The following GUCY2F variants were observed in gnomAD, a reference collection of about 807,000 sequenced individuals.
GUCY2F encodes the protein guanylate cyclase 2F, retinal.
Under a neutral mutation model 73.1 loss-of-function variants are expected in GUCY2F, and 61 were observed. That is an observed-to-expected ratio of 0.83 (90% CI 0.68 to 1.03). The LOEUF (loss-of-function observed/expected upper bound fraction) is 1.03, where lower values mean the gene tolerates loss of function less well. Among genes scored for constraint, GUCY2F ranks in the 50% least tolerant of loss-of-function variants. GUCY2F has a pLI of 0.00. For synonymous variants in GUCY2F, 331 were observed against 307.8 expected, an observed-to-expected ratio of 1.08 and a Z score of -0.79; for missense variants, 912 against 854.3, an observed-to-expected ratio of 1.07 and a Z score of -0.84.
At position 109,453,641 on chromosome X, in the gene GUCY2F, T is replaced by C. The variant is rs1162686208; in HGVS notation, c.1251A>G (p.Glu417=). Residue 417 remains glutamate (E), a synonymous_variant, in exon 4 of 20, where the codon GAA becomes GAG. Transcript: ENST00000218006. Reference sequence around the variant, plus strand: ...TGTCCACAGTGTAGGTGCTATGGAGTTCCCATTCTTTCAAGTTGGTGTCCA... The same window carrying C: ...TGTCCACAGTGTAGGTGCTATGGAGCTCCCATTCTTTCAAGTTGGTGTCCA... The part of the protein sequence containing the change: ...VILDTNLKEW[E]LHSTYTVDME... 2.5e-6 allele frequency: 3 copies of C among 1,197,722 alleles called. No individual in the cohort carries two copies. Among genetic ancestry groups the C allele is most frequent in the Non-Finnish European group, 3.4e-6 (3 of 883,098 alleles).
chrX:109,379,445 C>T (rs1025070673), intron 17 of GUCY2F, among the ~76,000 whole-genome samples: 7 of 112,188 alleles, frequency 6.2e-5, no homozygotes, highest in African/African-American at 2.3e-4. Context: ...TTGAATTATT[C>T]CACATTGTAT....
chrX:109,375,192 C>T (rs1242148517), intron 19 of GUCY2F, among the ~76,000 whole-genome samples: 1 of 106,517 alleles, frequency 9.4e-6, no homozygotes, highest in East Asian at 3.0e-4. Context: ...AAAGCAAACA[C>T]GATAAAGAAG....
At chrX:109,379,801 A>T (rs1003423010) in intron 17 of GUCY2F, among the ~76,000 whole-genome samples, 29 of 112,638 alleles carry the variant, frequency 2.6e-4, no homozygotes, top group African/African-American at 9.3e-4. Flanking sequence ...CTGGCCAGTT[A>T]GGCATTGATA....
In GUCY2F at chrX:109,469,135, G is replaced by A. The variant is rs375751661; in HGVS notation, c.731-3692C>T. Among the ~76,000 whole-genome samples, 20 of 110,911 alleles carry A rather than the reference G, an allele frequency of 1.8e-4. 3 individuals carry two copies. In the South Asian group the frequency reaches 1.9e-3, roughly 11 times the overall value. ...ACCCTTCTGAGATCGCATCTCACCA[G>A]GATATGACACCAGCACTTTCTCTGA... On this transcript the variant is annotated intron_variant, in intron 2 of 19. Coordinates refer to ENST00000218006, the MANE Select transcript of GUCY2F (RefSeq NM_001522.3).
chrX:109,437,914 C>T (rs1244454561), intron 7 of GUCY2F, among the ~76,000 whole-genome samples: 35 of 112,456 alleles, frequency 3.1e-4, no homozygotes, highest in Non-Finnish European at 1.9e-5. Flanking sequence ...GTAGAGCTGA[C>T]AATTCCCCAA....
At chrX:109,433,461 T>C (rs1031182366) in intron 7 of GUCY2F, among the ~76,000 whole-genome samples, 1 of 112,356 alleles carries the variant, frequency 8.9e-6, no homozygotes, top group Non-Finnish European at 1.9e-5. Context: ...TTTGTTGCTC[T>C]TTCCTCTCGT....
At chrX:109,462,003 G>A (rs1043164473) in intron 3 of GUCY2F, among the ~76,000 whole-genome samples, 2 of 112,480 alleles carry the variant, frequency 1.8e-5, no homozygotes, top group African/African-American at 6.5e-5. Context: ...GAAATATTGA[G>A]AGACTCTCTG....
chrX:109,447,256 C>T (rs1932034750), intron 6 of GUCY2F, among the ~76,000 whole-genome samples: 1 of 110,982 alleles, frequency 9.0e-6, no homozygotes, highest in African/African-American at 3.3e-5. Flanking sequence ...ACCATTTGAC[C>T]CAGCCATCCC....
chrX:109,441,232 C>T (rs778726877), intron 7 of GUCY2F, 119 bp downstream of exon 7: 87 of 407,318 alleles, frequency 2.1e-4, no homozygotes, highest in Non-Finnish European at 2.7e-4. Context: ...AACACAGACA[C>T]CAAACTGGAA....
At chrX:109,457,934 G>A (rs772768178) in intron 3 of GUCY2F, among the ~76,000 whole-genome samples, 18 of 111,896 alleles carry the variant, frequency 1.6e-4, no homozygotes, top group African/African-American at 5.8e-4. Context: ...ACAATGAAAA[G>A]GAAGAATGTA....
In GUCY2F at chrX:109,453,556, G is replaced by A. The variant is rs752859763; in HGVS notation, c.1336C>T (p.Pro446Ser). 8.3e-7 allele frequency: 1 copy of A among 1,209,763 alleles called. No individual in the cohort carries two copies. The highest frequency in any genetic ancestry group is 1.1e-6 in the Non-Finnish European group (1 of 894,005). ...AACCAGCATTTTGCATCTGCTCTAG[G>A]GGGCCTGCCACCAGGGAAGTGAATA... is the stretch of plus-strand genomic sequence containing the variant. ...TPIHFPGGRP[P>S]RADAKCWFAE... The change falls in exon 4 of 20, where the codon CCT (proline) becomes TCT (serine). Residue 446 changes from proline to serine, a missense_variant. By Grantham distance (74) the Pro-to-Ser change is moderately conservative. Coordinates refer to ENST00000218006, the MANE Select transcript of GUCY2F (RefSeq NM_001522.3).
At chrX:109,438,062 G>A (rs1268240381) in intron 7 of GUCY2F, among the ~76,000 whole-genome samples, 1 of 112,634 alleles carries the variant, frequency 8.9e-6, no homozygotes, top group Non-Finnish European at 1.9e-5. Context: ...CAATGTTGGT[G>A]TTGAAGGCCT....
chrX:109,479,236 A>G (rs1321811285), intron 1 of GUCY2F, among the ~76,000 whole-genome samples: 9 of 112,324 alleles, frequency 8.0e-5, no homozygotes, highest in Non-Finnish European at 5.6e-5. Context: ...TCAGCATATT[A>G]GCCCCAATTT....
chrX:109,413,263 CA>C (rs1434861563), intron 8 of GUCY2F, among the ~76,000 whole-genome samples: 1 of 112,102 alleles, frequency 8.9e-6, no homozygotes, highest in Non-Finnish European at 1.9e-5. Context: ...TTTGCAACAT[CA>C]GCTTTAGCAA....
At chrX:109,404,014 G>C (rs1338717996) in intron 10 of GUCY2F, among the ~76,000 whole-genome samples, 3 of 112,430 alleles carry the variant, frequency 2.7e-5, no homozygotes, top group Non-Finnish European at 5.6e-5. Context: ...AACTTGACAA[G>C]TATTTATTGA....
chrX:109,463,014 A>G (rs1806599014), intron 3 of GUCY2F, among the ~76,000 whole-genome samples: 1 of 111,934 alleles, frequency 8.9e-6, no homozygotes, highest in African/African-American at 3.3e-5. Context: ...CAGTAACAAT[A>G]AAGTCCAAAT....
chrX:109,392,892 G>A lies in GUCY2F; in HGVS notation c.2588C>T (p.Pro863Leu), dbSNP rs760969063. The part of the protein sequence containing the change: ...TEKLLTQMLP[P>L]SVAESLKKGC... ...ACACTCCTCAGGTGTTCTCACATAC[G>A]GTGGTAGCATCTGTGTTAGAAGCTT... Residue 863 changes from proline to leucine, a missense_variant and splice_region_variant, in exon 13 of 20, where the codon CCA becomes CTA. By Grantham distance (98) the Pro-to-Leu change is moderately conservative. Transcript: ENST00000218006. 3.2e-5 allele frequency: 36 copies of A among 1,138,040 alleles called. No individual in the cohort carries two copies. Among genetic ancestry groups the A allele is most frequent in the South Asian group, 2.6e-4 (14 of 54,777 alleles). 93.8% of individuals were successfully genotyped at this position (1,138,040 alleles called of 1,213,427 possible). A position where few individuals can be genotyped will look rare whatever the true frequency, so the allele number is the denominator to read the frequency against.
intron 19 of GUCY2F, among the ~76,000 whole-genome samples, chrX:109,374,594 C>T (rs1240670511): frequency 9.0e-6 from 1 of 111,325 alleles, no homozygotes; most frequent in Admixed American, 9.5e-5. Flanking sequence ...AGGGATAAAT[C>T]CTTCAAGAAC....
intron 14 of GUCY2F, 80 bp from the exon 15 acceptor site, chrX:109,388,743 G>A (rs895885918): frequency 3.3e-6 from 2 of 611,166 alleles, no homozygotes; most frequent in South Asian, 2.8e-5. Context: ...GTATAATGGA[G>A]GCCAGGTGGT....
Sources: allele counts gnomAD v4.1 joint callset (sites outside exome capture counted in the v4.1 genomes callset), GRCh38; gene constraint gnomAD v4.1.1; transcripts MANE v1.5; gene names NCBI Gene and HGNC (gene_info 2026-07-23, HGNC 2026-07-21).